The following SULF1 variants were observed in gnomAD, a reference collection of about 807,000 sequenced individuals.
SULF1 encodes the protein sulfatase 1.
A neutral mutation model predicts 110.5 loss-of-function variants in SULF1; 46 were observed. The ratio of observed to expected loss-of-function variants is 0.42; its 90% confidence interval spans 0.33 to 0.53. The LOEUF (loss-of-function observed/expected upper bound fraction) is 0.53, where lower values mean the gene tolerates loss of function less well. SULF1 is among the 20% of genes least tolerant of loss of function. The pLI, the probability that SULF1 is intolerant of heterozygous loss-of-function variation, is 0.12. For missense variants in SULF1, 941 were observed against 1,094.2 expected (o/e 0.86, Z 1.98); for synonymous variants, 371 against 387.1 (o/e 0.96, Z 0.49).
chr8:69,614,927 C>T (rs772988594), intron 13 of SULF1, among the ~76,000 whole-genome samples: 5 of 152,130 alleles, frequency 3.3e-5, no homozygotes, highest in Admixed American at 6.5e-5. Context: ...AGAAGGAGAA[C>T]GGAAATAATG....
chr8:69,480,300 G>A (rs1809465194), intron 1 of SULF1, among the ~76,000 whole-genome samples: 1 of 152,140 alleles, frequency 6.6e-6, no homozygotes, highest in South Asian at 2.1e-4. Flanking sequence ...TGAAGCTGAG[G>A]GACAGCATGC....
intron 1 of SULF1, among the ~76,000 whole-genome samples, chr8:69,481,105 T>G (rs1330036536): frequency 6.6e-6 from 1 of 152,114 alleles, no homozygotes. Flanking sequence ...CTTTTTGGTG[T>G]TGTAAGTATC....
intron 13 of SULF1, among the ~76,000 whole-genome samples, chr8:69,617,700 C>T (rs143061263): frequency 1.4e-4 from 21 of 152,082 alleles, no homozygotes; most frequent in African/African-American, 2.9e-4. Context: ...ATGGCAGAAT[C>T]ATGAACAGGC....
chr8:69,472,787 A>T (rs185776767), intron 1 of SULF1, among the ~76,000 whole-genome samples: 9 of 152,294 alleles, frequency 5.9e-5, no homozygotes, highest in Admixed American at 5.9e-4. Flanking sequence ...CCCTCTAAAT[A>T]TGTGGTCCAT....
At chr8:69,515,635 G>A (rs1330297137) in intron 3 of SULF1, among the ~76,000 whole-genome samples, 1 of 152,138 alleles carries the variant, frequency 6.6e-6, no homozygotes, top group Non-Finnish European at 1.5e-5. Context: ...TCTACCACAT[G>A]GTCAGACTGC....
intron 3 of SULF1, among the ~76,000 whole-genome samples, chr8:69,562,003 C>T (rs1257190770): frequency 1.3e-5 from 2 of 152,204 alleles, no homozygotes; most frequent in African/African-American, 4.8e-5. Flanking sequence ...GAAGAAAGCA[C>T]CAAATCTTAC....
intron 6 of SULF1, among the ~76,000 whole-genome samples, chr8:69,585,354 C>T (rs1037382308): frequency 1.3e-5 from 2 of 152,184 alleles, no homozygotes; most frequent in Non-Finnish European, 2.9e-5. Flanking sequence ...TTACAAATAA[C>T]ATCCTCTTGC....
At chr8:69,598,571 T>C (rs904323209) in intron 8 of SULF1, among the ~76,000 whole-genome samples, 4 of 152,084 alleles carry the variant, frequency 2.6e-5, no homozygotes, top group African/African-American at 9.7e-5. Flanking sequence ...TTTGTATTTT[T>C]AGTAGAGACG....
Position 69,660,171 on chromosome 8 carries a change from T to C in SULF1, c.*1636T>C, listed in dbSNP as rs1388420550. 6.6e-6 allele frequency: 1 copy of C among 152,282 alleles called. No homozygotes were observed. The highest frequency in any genetic ancestry group is 1.5e-5 in the Non-Finnish European group (1 of 68,052). 9.4% of individuals were successfully genotyped at this position (152,282 alleles called of 1,614,324 possible). On this transcript the variant is annotated 3_prime_UTR_variant, in exon 23 of 23. Coordinates refer to ENST00000402687, the MANE Select transcript of SULF1 (RefSeq NM_001128205.2). ...ACAGGAGAAAAAGATCTAAAGATCTTTTATTTTCATCTTTTTTGGTTTTCT... is the reference window on the plus strand; with the variant it reads ...ACAGGAGAAAAAGATCTAAAGATCTCTTATTTTCATCTTTTTTGGTTTTCT...
At position 69,659,331 on chromosome 8, in the gene SULF1, GTTACC is replaced by G. The variant is rs1563643085; in HGVS notation, c.*802_*806del. ...CACTCTCCTCTGATTAGATGAAACT[GTTACC>G]TTACCCTAAACACAGTATTTCTTTT... On this transcript the variant is annotated 3_prime_UTR_variant, in exon 23 of 23. Transcript: ENST00000402687. 1 of 378,544 alleles carries G rather than the reference GTTACC, an allele frequency of 2.6e-6. No homozygotes were observed. The highest frequency in any genetic ancestry group is 5.2e-6 in the Non-Finnish European group (1 of 193,034). The allele number at this position is 378,544 out of a possible 1,614,324, so 23.4% of individuals were successfully genotyped here. A position where few individuals can be genotyped will look rare whatever the true frequency, so the allele number is the denominator to read the frequency against.
At chr8:69,559,958 G>A (rs6993252) in intron 3 of SULF1, among the ~76,000 whole-genome samples, 66,140 of 152,072 alleles carry the variant, frequency 0.43, 15,091 homozygotes, top group African/African-American at 0.59. Flanking sequence ...AGACAAAAGC[G>A]GAAAGCGGTT....
chr8:69,471,795 C>T lies in SULF1; in HGVS notation c.-391+4845C>T, dbSNP rs372882611. On this transcript the variant is annotated intron_variant, in intron 1 of 22. Coordinates refer to the SULF1 transcript ENST00000260128. ...TAAATCACCTAGCTCAGTGCATATCCAATATTGTATGTTCAATAAATGGAA... is the reference window on the plus strand; with the variant it reads ...TAAATCACCTAGCTCAGTGCATATCTAATATTGTATGTTCAATAAATGGAA... Among the ~76,000 whole-genome samples the T allele has an allele frequency of 9.2e-5, 14 of 152,258 alleles. No individual in the cohort carries two copies. In the South Asian group the frequency reaches 2.9e-3, roughly 32 times the overall value.
At chr8:69,605,032 A>C in intron 13 of SULF1, 100 bp downstream of exon 13, 1 of 1,519,962 alleles carries the variant, frequency 6.6e-7, no homozygotes, top group Non-Finnish European at 8.8e-7. Flanking sequence ...GTGTATAAAT[A>C]AGCTTTTCCT....
intron 3 of SULF1, among the ~76,000 whole-genome samples, chr8:69,505,105 G>A (rs1811090149): frequency 6.6e-6 from 1 of 152,168 alleles, no homozygotes; most frequent in Admixed American, 6.5e-5. Flanking sequence ...GCAAATCTCA[G>A]AAGCTGCCCA....
chr8:69,656,388 A>G (rs922118771), intron 22 of SULF1, among the ~76,000 whole-genome samples: 2 of 152,166 alleles, frequency 1.3e-5, no homozygotes, highest in Admixed American at 6.5e-5. Flanking sequence ...AATGTGTGCT[A>G]TGGTGGTTTG....
chr8:69,553,468 G>T (rs1273271931), intron 3 of SULF1, among the ~76,000 whole-genome samples: 1 of 152,180 alleles, frequency 6.6e-6, no homozygotes, highest in African/African-American at 2.4e-5. Context: ...AACTTTAGGA[G>T]CCCTGGTAAA....
intron 3 of SULF1, among the ~76,000 whole-genome samples, chr8:69,526,839 A>AAGGG (rs1483210781): frequency 2.2e-5 from 3 of 134,636 alleles, no homozygotes; most frequent in Non-Finnish European, 3.2e-5. Flanking sequence ...GGAAGGAAGG[A>AAGGG]AGGGAGGAAG....
intron 5 of SULF1, among the ~76,000 whole-genome samples, chr8:69,566,670 G>C (rs963665667): frequency 2.6e-5 from 4 of 152,090 alleles, no homozygotes; most frequent in Non-Finnish European, 4.4e-5. Context: ...GGCCAACATA[G>C]TGAAACCCCG....
At chr8:69,471,982 A>G (rs1411258144) in intron 1 of SULF1, among the ~76,000 whole-genome samples, 2 of 146,012 alleles carry the variant, frequency 1.4e-5, no homozygotes, top group East Asian at 3.9e-4. Flanking sequence ...GGAGGGAGAG[A>G]GCAAGGGAGA....
Sources: gnomAD v4.1 joint callset for allele counts (sites outside exome capture counted in the v4.1 genomes callset) on GRCh38, gnomAD v4.1.1 for gene constraint, MANE v1.5 for transcripts, NCBI Gene and HGNC (gene_info 2026-07-23, HGNC 2026-07-21) for gene names.